The following GFRAL variants were observed in gnomAD, a reference collection of about 807,000 sequenced individuals.
GFRAL encodes GDNF family receptor alpha like.
In GFRAL, 36 loss-of-function variants were observed where a neutral mutation model predicts 45.4. The observed-to-expected ratio is 0.79, with a 90% CI of 0.61 to 1.05. GFRAL has a LOEUF of 1.05. Among genes scored for constraint, GFRAL ranks in the 50% least tolerant of loss-of-function variants. GFRAL has a pLI of 0.00. For missense variants in GFRAL, 507 were observed against 467.5 expected (o/e 1.08, Z -0.78); for synonymous variants, 166 against 154.1 (o/e 1.08, Z -0.57).
At chr6:55,377,203 A>G (rs749778975) in intron 6 of GFRAL, among the ~76,000 whole-genome samples, 1 of 151,966 alleles carries the variant, frequency 6.6e-6, no homozygotes, top group African/African-American at 2.4e-5. Context: ...CCAGCCCCCA[A>G]TAGGCAGTTT....
rs1464015708 is a variant in GFRAL at position 55,399,282 on chromosome 6, T to A, written c.1048+7T>A. The stretch of plus-strand genomic sequence containing the variant: ...TTTCATTCCCCCTTCAATGGTCAGT[T>A]AAAAATCAATCCTCTATAATATTTA... On this transcript the variant is annotated splice_region_variant and intron_variant, in intron 7 of 8. Transcript: ENST00000340465. The A allele has an allele frequency of 6.4e-7, 1 of 1,561,194 alleles. No homozygotes were observed. The highest frequency in any genetic ancestry group is 8.8e-7 in the Non-Finnish European group (1 of 1,136,828).
intron 6 of GFRAL, among the ~76,000 whole-genome samples, chr6:55,374,890 C>A (rs978359189): frequency 2.0e-5 from 3 of 152,106 alleles, no homozygotes; most frequent in African/African-American, 4.8e-5. Flanking sequence ...TTCCTTTCCC[C>A]ACTGCTTGTT....
chr6:55,334,002 A>G (rs1172708686), intron 3 of GFRAL, 58 bp downstream of exon 3: 3 of 990,810 alleles, frequency 3.0e-6, no homozygotes, highest in Non-Finnish European at 4.4e-6. Flanking sequence ...ACAATTTCAA[A>G]ATTAACCACA....
intron 3 of GFRAL, among the ~76,000 whole-genome samples, chr6:55,341,981 G>T (rs896977209): frequency 2.0e-5 from 3 of 152,042 alleles, no homozygotes; most frequent in Non-Finnish European, 4.4e-5. Flanking sequence ...GAAAAAAAGA[G>T]TAAAAAGAAA....
chr6:55,345,155 T>A (rs1340524478), intron 3 of GFRAL, among the ~76,000 whole-genome samples: 1 of 152,174 alleles, frequency 6.6e-6, no homozygotes, highest in Non-Finnish European at 1.5e-5. Context: ...CCCATCAAGC[T>A]ACCAATGACT....
At chr6:55,342,156 T>G (rs1767975182) in intron 3 of GFRAL, among the ~76,000 whole-genome samples, 1 of 152,092 alleles carries the variant, frequency 6.6e-6, no homozygotes, top group Non-Finnish European at 1.5e-5. Context: ...AACATTCAAA[T>G]TCAGGAAATA....
intron 3 of GFRAL, 76 bp from the exon 4 acceptor site, chr6:55,350,016 T>A: frequency 1.2e-6 from 1 of 847,980 alleles, no homozygotes; most frequent in East Asian, 2.4e-5. Flanking sequence ...TACTCATTTA[T>A]AAATGTGGCC....
intron 5 of GFRAL, among the ~76,000 whole-genome samples, chr6:55,353,647 T>A (rs1231569001): frequency 6.6e-6 from 1 of 152,098 alleles, no homozygotes; most frequent in African/African-American, 2.4e-5. Flanking sequence ...CAAAAATCCT[T>A]ATTAGAGAAA....
chr6:55,337,031 G>A (rs909737366), intron 3 of GFRAL, among the ~76,000 whole-genome samples: 1 of 151,264 alleles, frequency 6.6e-6, no homozygotes, highest in Non-Finnish European at 1.5e-5. Flanking sequence ...TATTTTTCTG[G>A]CCATTTTAAA....
At chr6:55,341,004 G>A (rs1767957029) in intron 3 of GFRAL, among the ~76,000 whole-genome samples, 1 of 152,176 alleles carries the variant, frequency 6.6e-6, no homozygotes, top group Non-Finnish European at 1.5e-5. Flanking sequence ...TGAGGCTTGA[G>A]AAGGTAGACA....
At chr6:55,364,259 T>C (rs1204918808) in intron 6 of GFRAL, among the ~76,000 whole-genome samples, 1 of 151,646 alleles carries the variant, frequency 6.6e-6, no homozygotes, top group Non-Finnish European at 1.5e-5. Context: ...TCTGTTCATG[T>C]CCTTCGCCCA....
At chr6:55,366,291 C>T (rs190147832) in intron 6 of GFRAL, among the ~76,000 whole-genome samples, 28 of 151,830 alleles carry the variant, frequency 1.8e-4, no homozygotes, top group African/African-American at 6.5e-4. Context: ...GTGACATCCC[C>T]TTTATCATTT....
At chr6:55,335,699 A>G (rs998735630) in intron 3 of GFRAL, among the ~76,000 whole-genome samples, 1 of 152,148 alleles carries the variant, frequency 6.6e-6, no homozygotes, top group African/African-American at 2.4e-5. Context: ...ATATAATTTT[A>G]CTTTTCTCAA....
intron 6 of GFRAL, among the ~76,000 whole-genome samples, chr6:55,374,322 C>A (rs1439418058): frequency 2.0e-5 from 3 of 152,110 alleles, no homozygotes; most frequent in South Asian, 2.1e-4. Flanking sequence ...GAGGAATTGC[C>A]ACACTGTCTT....
In GFRAL at chr6:55,327,533, G is replaced by A. The variant is rs376547310; in HGVS notation, c.-22G>A. 5.0e-5 allele frequency: 81 copies of A among 1,611,672 alleles called. No individual in the cohort carries two copies. The highest frequency in any genetic ancestry group is 6.5e-5 in the Non-Finnish European group (77 of 1,178,756). On this transcript the variant is annotated 5_prime_UTR_variant, in exon 1 of 9. Coordinates refer to ENST00000340465, the MANE Select transcript of GFRAL (RefSeq NM_207410.2). ...AACGCATCTGCCTTTTTTTCCAGGT[G>A]AACTGCCGTGAGTTGTCCAGCATGA... is the stretch of plus-strand genomic sequence containing the variant.
chr6:55,333,037 TTAAAA>T (rs1186066880), intron 2 of GFRAL, among the ~76,000 whole-genome samples: 1 of 152,146 alleles, frequency 6.6e-6, no homozygotes, highest in Non-Finnish European at 1.5e-5. Context: ...ATAAGGCAAT[TTAAAA>T]TATGTTGTTA....
intron 6 of GFRAL, among the ~76,000 whole-genome samples, chr6:55,394,876 A>C (rs970545516): frequency 3.9e-5 from 6 of 152,032 alleles, no homozygotes; most frequent in African/African-American, 1.4e-4. Flanking sequence ...CTCACTAAAT[A>C]CTTTTTGAGG....
chr6:55,365,803 G>C (rs1256835159), intron 6 of GFRAL, among the ~76,000 whole-genome samples: 4 of 150,246 alleles, frequency 2.7e-5, no homozygotes, highest in South Asian at 4.2e-4. Context: ...CTTGATCATG[G>C]TGGATAAGCT....
chr6:55,362,443 G>C (rs984877350), intron 6 of GFRAL, among the ~76,000 whole-genome samples: 4 of 151,954 alleles, frequency 2.6e-5, no homozygotes, highest in Admixed American at 6.6e-5. Context: ...ACTAGACTCA[G>C]GCAGAAGAGC....
Sources: gnomAD v4.1 joint callset for allele counts (sites outside exome capture counted in the v4.1 genomes callset) on GRCh38, gnomAD v4.1.1 for gene constraint, MANE v1.5 for transcripts, NCBI Gene and HGNC (gene_info 2026-07-23, HGNC 2026-07-21) for gene names.